The following CEP112 variants were observed in gnomAD, a reference collection of about 807,000 sequenced individuals.
The protein encoded by CEP112 is centrosomal protein 112.
A neutral mutation model predicts 153.0 loss-of-function variants in CEP112; 127 were observed. The observed-to-expected ratio is 0.83, with a 90% CI of 0.72 to 0.96. The LOEUF (loss-of-function observed/expected upper bound fraction) is 0.96, where lower values mean the gene tolerates loss of function less well. Ranked by LOEUF, CEP112 falls within the 40% of genes least tolerant of loss-of-function variation. CEP112 has a pLI of 0.00. For missense variants in CEP112, 1,089 were observed against 1,101.2 expected, an observed-to-expected ratio of 0.99 and a Z score of 0.16; for synonymous variants, 358 against 374.4, an observed-to-expected ratio of 0.96 and a Z score of 0.51.
At chr17:65,759,232 T>C (rs1483392631) in intron 21 of CEP112, among the ~76,000 whole-genome samples, 1 of 152,164 alleles carries the variant, frequency 6.6e-6, no homozygotes, top group Non-Finnish European at 1.5e-5. Flanking sequence ...AATCAAGAAA[T>C]AACCATAAAA....
intron 6 of CEP112, among the ~76,000 whole-genome samples, chr17:66,114,635 A>G (rs2069200364): frequency 6.6e-6 from 1 of 152,178 alleles, no homozygotes; most frequent in Non-Finnish European, 1.5e-5. Flanking sequence ...AATATTTTAG[A>G]ACTTTAAAAC....
At chr17:66,040,217 T>A (rs557064802) in intron 12 of CEP112, among the ~76,000 whole-genome samples, 2 of 152,308 alleles carry the variant, frequency 1.3e-5, no homozygotes, top group Admixed American at 1.3e-4. Flanking sequence ...CAAAACTTTG[T>A]ACTGTGATTT....
intron 17 of CEP112, among the ~76,000 whole-genome samples, chr17:65,973,993 A>C (rs1264652885): frequency 2.6e-5 from 4 of 152,172 alleles, no homozygotes; most frequent in Non-Finnish European, 5.9e-5. Flanking sequence ...AAACCGTGTC[A>C]TTATTTCTCA....
intron 18 of CEP112, among the ~76,000 whole-genome samples, chr17:65,942,467 G>C (rs1568268343): frequency 6.6e-6 from 1 of 152,072 alleles, no homozygotes; most frequent in Non-Finnish European, 1.5e-5. Context: ...AAAGATGTCA[G>C]GGCAACTGCA....
At chr17:65,795,003 T>C (rs545065944) in intron 21 of CEP112, among the ~76,000 whole-genome samples, 3 of 152,246 alleles carry the variant, frequency 2.0e-5, no homozygotes, top group Non-Finnish European at 4.4e-5. Context: ...TCAACAAACG[T>C]GTTGAAAGAA....
At chr17:65,862,341 C>A (rs2058336734) in intron 20 of CEP112, among the ~76,000 whole-genome samples, 1 of 152,296 alleles carries the variant, frequency 6.6e-6, no homozygotes, top group African/African-American at 2.4e-5. Flanking sequence ...GTAATCCTAG[C>A]ACTTTGGGAG....
intron 21 of CEP112, among the ~76,000 whole-genome samples, chr17:65,778,196 A>G (rs893818953): frequency 3.9e-5 from 6 of 152,202 alleles, no homozygotes; most frequent in Non-Finnish European, 7.3e-5. Context: ...TCTCAAAGAC[A>G]GGAATCTTTT....
intron 21 of CEP112, among the ~76,000 whole-genome samples, chr17:65,752,010 C>T (rs1160641365): frequency 1.7e-5 from 2 of 115,734 alleles, no homozygotes; most frequent in Admixed American, 9.8e-5. Flanking sequence ...ATCTACTGTT[C>T]CTTTCATCCA....
At position 65,829,453 on chromosome 17, in the gene CEP112, T is replaced by C. The variant is rs149908523; in HGVS notation, c.2394+22351A>G. Among the ~76,000 whole-genome samples the C allele has an allele frequency of 3.9e-5, 6 of 152,266 alleles. No individual in the cohort carries two copies. The East Asian group carries it at 1.2e-3, about 29-fold the overall frequency. Reference sequence around the variant, plus strand: ...ATGCAGCTTTATGCCCATCAGCTCATTCTATTGTCCTCCCCTCAAAGAAGG... The same window carrying C: ...ATGCAGCTTTATGCCCATCAGCTCACTCTATTGTCCTCCCCTCAAAGAAGG... On this transcript the variant is annotated intron_variant, in intron 21 of 26. Coordinates refer to ENST00000535342, the MANE Select transcript of CEP112 (RefSeq NM_001199165.4).
chr17:66,179,947 C>T (rs2072647753), intron 2 of CEP112, among the ~76,000 whole-genome samples: 1 of 152,038 alleles, frequency 6.6e-6, no homozygotes, highest in Non-Finnish European at 1.5e-5. Flanking sequence ...TTGAAATGAT[C>T]ATACAGTTTT....
chr17:65,937,495 G>A (rs1178007930), intron 18 of CEP112, among the ~76,000 whole-genome samples: 41 of 119,396 alleles, frequency 3.4e-4, no homozygotes, highest in East Asian at 8.3e-4. Context: ...GAGACCCTCT[G>A]CCTGGCAACC....
chr17:66,069,331 C>T (rs2067228290), intron 9 of CEP112, among the ~76,000 whole-genome samples: 1 of 151,734 alleles, frequency 6.6e-6, no homozygotes, highest in South Asian at 2.1e-4. Flanking sequence ...ACCCAAATCC[C>T]ATATAGGATA....
intron 24 of CEP112, among the ~76,000 whole-genome samples, chr17:65,641,803 G>A (rs768567070): frequency 2.0e-5 from 3 of 152,142 alleles, no homozygotes; most frequent in Non-Finnish European, 2.9e-5. Context: ...GGCACTAAAT[G>A]TGATTCATAT....
chr17:65,919,922 A>C (rs186039259), intron 19 of CEP112, among the ~76,000 whole-genome samples: 10 of 152,256 alleles, frequency 6.6e-5, no homozygotes, highest in African/African-American at 1.9e-4. Flanking sequence ...GGTCAAGGGC[A>C]GGCCTCAGGT....
At chr17:65,938,431 AAG>A (rs778360100) in intron 18 of CEP112, among the ~76,000 whole-genome samples, 9,095 of 145,242 alleles carry the variant, frequency 0.063, 534 homozygotes, top group South Asian at 0.12. Context: ...AAAAAAAAAA[AAG>A]AAAGAAAAAA....
chr17:66,069,375 GA>G (rs1026848013), intron 9 of CEP112, among the ~76,000 whole-genome samples: 56 of 148,972 alleles, frequency 3.8e-4, no homozygotes, highest in South Asian at 8.4e-4. Context: ...TGCCAGCTAA[GA>G]AAAAAAAATA....
chr17:66,099,027 G>A (rs2146295720), intron 6 of CEP112, among the ~76,000 whole-genome samples: 1 of 152,258 alleles, frequency 6.6e-6, no homozygotes, highest in East Asian at 1.9e-4. Flanking sequence ...CAGAGTGCCA[G>A]AGATGGGCAC....
intron 23 of CEP112, among the ~76,000 whole-genome samples, chr17:65,705,759 A>C (rs1172430436): frequency 6.6e-6 from 1 of 152,210 alleles, no homozygotes; most frequent in Non-Finnish European, 1.5e-5. Flanking sequence ...GTAACAATCA[A>C]ATGTAATGTT....
At chr17:66,164,717 G>A (rs373793209) in intron 4 of CEP112, among the ~76,000 whole-genome samples, 17 of 151,872 alleles carry the variant, frequency 1.1e-4, no homozygotes, top group African/African-American at 3.4e-4. Context: ...TTAGTTGGGC[G>A]TGGTGGCAGG....
Sources: allele counts gnomAD v4.1 joint callset (sites outside exome capture counted in the v4.1 genomes callset), GRCh38; gene constraint gnomAD v4.1.1; transcripts MANE v1.5; gene names NCBI Gene and HGNC (gene_info 2026-07-23, HGNC 2026-07-21).